The following ERBB4 variants were observed in gnomAD, a reference collection of about 807,000 sequenced individuals.
ERBB4 encodes the protein receptor tyrosine-protein kinase erbB-4.
In ERBB4, 42 loss-of-function variants were observed where a neutral mutation model predicts 158.0. The ratio of observed to expected loss-of-function variants is 0.27; its 90% CI spans 0.21 to 0.34. The LOEUF (loss-of-function observed/expected upper bound fraction) is 0.34. Among genes scored for constraint, ERBB4 ranks in the 10% least tolerant of loss-of-function variants. The probability of loss-of-function intolerance (pLI) is 1.00; values close to 1 mark genes in which losing one functional copy is unlikely to be tolerated. For missense variants in ERBB4, 1,333 were observed against 1,624.1 expected (o/e 0.82, Z 3.08); for synonymous variants, 583 against 558.7 (o/e 1.04, Z -0.61).
intron 1 of ERBB4, among the ~76,000 whole-genome samples, chr2:212,516,321 A>G (rs187201800): frequency 1.3e-5 from 2 of 152,172 alleles, no homozygotes; most frequent in African/African-American, 4.8e-5. Flanking sequence ...ATAACATAAA[A>G]GTTACCTATT....
At position 212,345,265 on chromosome 2, in the gene ERBB4, C is replaced by CAAAAA. The variant is rs367985477; in HGVS notation, c.82+193179_82+193183dup. ...TGGGGGACAGAGCAAGACTCCGTCT[C>CAAAAA]AAAAAAAAAAAAGCACTAAACACAT... On this transcript the variant is annotated intron_variant, in intron 1 of 27. Coordinates refer to ENST00000342788, the MANE Select transcript of ERBB4 (RefSeq NM_005235.3). Among the ~76,000 whole-genome samples, 38 of 77,720 alleles carry CAAAAA rather than the reference C, an allele frequency of 4.9e-4. 8 individuals carry two copies. Among genetic ancestry groups the CAAAAA allele is most frequent in the South Asian group, 1.9e-3 (5 of 2,584 alleles). The allele number at this position is 77,720 out of a possible 152,430, so 51.0% of individuals were successfully genotyped here.
chr2:211,629,352 C>G (rs2070004914), intron 17 of ERBB4, among the ~76,000 whole-genome samples: 1 of 151,438 alleles, frequency 6.6e-6, no homozygotes, highest in African/African-American at 2.4e-5. Context: ...ACGTGAAGGA[C>G]CTCTTCAAGG....
chr2:211,820,995 G>A (rs1243647634), intron 3 of ERBB4, among the ~76,000 whole-genome samples: 1 of 151,746 alleles, frequency 6.6e-6, no homozygotes, highest in Non-Finnish European at 1.5e-5. Flanking sequence ...AATAAAACAA[G>A]GATGCCCAAT....
chr2:212,310,609 A>ATGTGTGTGTG (rs56209146), intron 1 of ERBB4, among the ~76,000 whole-genome samples: 3 of 143,390 alleles, frequency 2.1e-5, no homozygotes, highest in African/African-American at 7.7e-5. Flanking sequence ...ATATATGTAT[A>ATGTGTGTGTG]TGTGTGTGTG....
intron 1 of ERBB4, among the ~76,000 whole-genome samples, chr2:212,373,505 A>C (rs2106389655): frequency 6.6e-6 from 1 of 152,042 alleles, no homozygotes; most frequent in South Asian, 2.1e-4. Context: ...GGATTATTTC[A>C]GAATTTTTAC....
chr2:211,831,370 G>A (rs1166878518), intron 3 of ERBB4, among the ~76,000 whole-genome samples: 1 of 152,134 alleles, frequency 6.6e-6, no homozygotes, highest in African/African-American at 2.4e-5. Context: ...ATTGGATAAT[G>A]AGAGAGCTTT....
At chr2:212,255,482 T>C (rs893423876) in intron 1 of ERBB4, among the ~76,000 whole-genome samples, 1 of 152,192 alleles carries the variant, frequency 6.6e-6, no homozygotes, top group Non-Finnish European at 1.5e-5. Flanking sequence ...AAACAATTTG[T>C]ATTTTTAAGA....
chr2:212,056,902 T>C (rs773894537), intron 2 of ERBB4, among the ~76,000 whole-genome samples: 25 of 152,200 alleles, frequency 1.6e-4, no homozygotes, highest in Non-Finnish European at 3.2e-4. Flanking sequence ...AACATCATAA[T>C]GACAGGATCA....
intron 2 of ERBB4, among the ~76,000 whole-genome samples, chr2:211,984,227 G>A (rs1163577111): frequency 1.3e-4 from 20 of 152,050 alleles, no homozygotes; most frequent in Admixed American, 9.8e-4. Context: ...GAGCACTTAT[G>A]CCATTCAAAG....
Position 211,812,060 on chromosome 2 carries a change from G to C in ERBB4, c.422-23901C>G, listed in dbSNP as rs541242453. On this transcript the variant is annotated intron_variant, in intron 3 of 27. Transcript: ENST00000342788. ...TCAAAGTTATTCTCTGTCCAGCTTT[G>C]TTCTGTTGCTGGTGAGGAGCTGTGA... 3.9e-5 allele frequency among the ~76,000 whole-genome samples: 6 copies of C among 152,320 alleles called. No individual in the cohort carries two copies. The South Asian group carries it at 1.2e-3, about 32-fold the overall frequency.
intron 1 of ERBB4, among the ~76,000 whole-genome samples, chr2:212,423,090 G>C (rs546283525): frequency 1.3e-5 from 2 of 152,014 alleles, no homozygotes; most frequent in African/African-American, 4.8e-5. Flanking sequence ...AAAGTAATCT[G>C]TGTAAATAAA....
chr2:211,766,410 G>C (rs1412228748), intron 4 of ERBB4, among the ~76,000 whole-genome samples: 1 of 152,126 alleles, frequency 6.6e-6, no homozygotes, highest in Non-Finnish European at 1.5e-5. Flanking sequence ...TAAAAGTCCT[G>C]AATGAGGGAA....
intron 7 of ERBB4, 123 bp downstream of exon 7, chr2:211,722,270 G>C: frequency 1.3e-6 from 1 of 773,628 alleles, no homozygotes; most frequent in Non-Finnish European, 2.2e-6. Context: ...GGGGGCAATA[G>C]TATCTATACC....
intron 2 of ERBB4, among the ~76,000 whole-genome samples, chr2:211,990,700 G>A (rs755560825): frequency 1.3e-5 from 2 of 151,848 alleles, no homozygotes; most frequent in Admixed American, 1.3e-4. Flanking sequence ...GGATGCTCAA[G>A]TGAAAAGTTC....
chr2:211,377,733 T>G lies in ERBB4; in HGVS notation c.*5882A>C. The stretch of plus-strand genomic sequence containing the variant: ...AGTTAATTTACTGGCAAAAATAACT[T>G]CTTGGTTATATGTACAGCTTTTATG... On this transcript the variant is annotated 3_prime_UTR_variant, in exon 28 of 28. Coordinates refer to ENST00000342788, the MANE Select transcript of ERBB4 (RefSeq NM_005235.3). The G allele has an allele frequency of 1.3e-5, 3 of 232,462 alleles. No individual in the cohort carries two copies. Among genetic ancestry groups the G allele is most frequent in the Non-Finnish European group, 1.7e-5 (2 of 117,552 alleles). 14.4% of individuals were successfully genotyped at this position (232,462 alleles called of 1,614,324 possible).
At chr2:211,928,473 C>T (rs7598440) in intron 3 of ERBB4, among the ~76,000 whole-genome samples, 63,001 of 151,990 alleles carry the variant, frequency 0.41, 15,129 homozygotes, top group Non-Finnish European at 0.54. Flanking sequence ...TAAGAGGGCT[C>T]GGACTTCTTA....
chr2:211,626,334 A>G (rs2069842089), intron 17 of ERBB4, among the ~76,000 whole-genome samples: 1 of 152,182 alleles, frequency 6.6e-6, no homozygotes, highest in South Asian at 2.1e-4. Context: ...TTATGCATGT[A>G]ACATAAAAAA....
At chr2:212,535,810 A>G (rs1405129922) in intron 1 of ERBB4, among the ~76,000 whole-genome samples, 1 of 152,214 alleles carries the variant, frequency 6.6e-6, no homozygotes, top group East Asian at 1.9e-4. Flanking sequence ...AAGAAAAAAG[A>G]GGTTCTCTTC....
intron 25 of ERBB4, among the ~76,000 whole-genome samples, chr2:211,395,021 C>T (rs1345120183): frequency 3.3e-5 from 5 of 151,926 alleles, no homozygotes; most frequent in South Asian, 2.1e-4. Flanking sequence ...AAAGGATTTA[C>T]GTGTAAAATA....
Sources: allele counts gnomAD v4.1 joint callset (sites outside exome capture counted in the v4.1 genomes callset), GRCh38; gene constraint gnomAD v4.1.1; transcripts MANE v1.5; gene names NCBI Gene and HGNC (gene_info 2026-07-23, HGNC 2026-07-21).